The following MACF1 variants were observed in gnomAD, a reference collection of about 807,000 sequenced individuals.
MACF1 encodes the protein microtubule-actin cross-linking factor 1.
A neutral mutation model predicts 854.8 loss-of-function variants in MACF1; 193 were observed. The observed-to-expected ratio is 0.23, with a 90% CI of 0.20 to 0.25. MACF1 has a LOEUF of 0.25. Ranked by LOEUF, MACF1 falls within the 10% of genes least tolerant of loss-of-function variation. The pLI is 1.00. For missense variants in MACF1, 7,722 were observed against 8,929.1 expected, an observed-to-expected ratio of 0.86 and a Z score of 5.45; for synonymous variants, 3,185 against 3,226.7, an observed-to-expected ratio of 0.99 and a Z score of 0.44.
intron 52 of MACF1, chr1:39,372,894 T>A (rs1053585400): frequency 3.3e-6 from 1 of 298,972 alleles, no homozygotes; most frequent in Non-Finnish European, 6.3e-6. Flanking sequence ...AATTTCCCTT[T>A]TTTGAATGTG....
rs16826038 is a variant in MACF1 at position 39,292,962 on chromosome 1, G to A, written c.1992+119G>A. ...CCTGTTTTGGTTTTCTGCTTATTAG[G>A]TTATATCATTTACTATGCACTTATT... On this transcript the variant is annotated intron_variant, in intron 17 of 100. Coordinates refer to ENST00000564288, the MANE Select transcript of MACF1 (RefSeq NM_001394062.1). The A allele has an allele frequency of 0.19, 132,235 of 713,620 alleles. 13,629 individuals carry two copies. The highest frequency in any genetic ancestry group is 0.21 in the Non-Finnish European group (90,118 of 430,218). 44.2% of individuals were successfully genotyped at this position (713,620 alleles called of 1,614,324 possible).
intron 44 of MACF1, among the ~76,000 whole-genome samples, chr1:39,355,395 G>A (rs1021352394): frequency 1.3e-5 from 2 of 151,106 alleles, no homozygotes; most frequent in Admixed American, 6.6e-5. Context: ...TTGTAGTACC[G>A]CTCCCACTTC....
At chr1:39,252,343 C>G (rs138001494) in intron 4 of MACF1, among the ~76,000 whole-genome samples, 1 of 152,286 alleles carries the variant, frequency 6.6e-6, no homozygotes, top group Non-Finnish European at 1.5e-5. Context: ...AACTGGTACT[C>G]TCCACCTCTC....
Position 39,413,910 on chromosome 1 carries a change from C to A in MACF1, c.15817-8464C>A, listed in dbSNP as rs770127698. The A allele has an allele frequency of 3.1e-6, 5 of 1,606,794 alleles. No homozygotes were observed. In the South Asian group the frequency reaches 5.6e-5, roughly 18 times the overall value. On this transcript the variant is annotated intron_variant, in intron 58 of 100. Transcript: ENST00000564288. Reference sequence around the variant, plus strand: ...CTATGGTGGCCACCCTAGAGGAATTCACTTCCCCGGCAGCTTCAGTGCCCA... The same window carrying A: ...CTATGGTGGCCACCCTAGAGGAATTAACTTCCCCGGCAGCTTCAGTGCCCA...
At chr1:39,308,124 T>C (rs1646227970) in intron 23 of MACF1, among the ~76,000 whole-genome samples, 1 of 152,004 alleles carries the variant, frequency 6.6e-6, no homozygotes, top group African/African-American at 2.4e-5. Flanking sequence ...CAGGATGGTC[T>C]CAATCTCTTG....
At chr1:39,381,384 G>A (rs61563113) in intron 55 of MACF1, among the ~76,000 whole-genome samples, 11 of 144,914 alleles carry the variant, frequency 7.6e-5, no homozygotes, top group Admixed American at 4.1e-4. Flanking sequence ...TTTTTGGGGG[G>A]GGGGACAGGG....
chr1:39,199,251 C>T (rs11205757), intron 2 of MACF1, among the ~76,000 whole-genome samples: 1 of 151,948 alleles, frequency 6.6e-6, no homozygotes, highest in Non-Finnish European at 1.5e-5. Flanking sequence ...TCCCAAAGTG[C>T]TGGGATTACA....
At chr1:39,463,711 T>C in intron 94 of MACF1, 25 bp downstream of exon 94, 1 of 1,601,390 alleles carries the variant, frequency 6.2e-7, no homozygotes, top group Non-Finnish European at 8.5e-7. Flanking sequence ...AAGCAGTCCT[T>C]TGTTGTGGTG....
chr1:39,466,072 C>T (rs905292170), intron 95 of MACF1, among the ~76,000 whole-genome samples: 134 of 152,160 alleles, frequency 8.8e-4, no homozygotes, highest in African/African-American at 3.1e-3. Flanking sequence ...ATGTTGAGAA[C>T]GGAATTATGA....
intron 43 of MACF1, 69 bp downstream of exon 43, chr1:39,351,087 C>G: frequency 8.8e-7 from 1 of 1,132,220 alleles, no homozygotes; most frequent in South Asian, 1.5e-5. Context: ...AAATAAAAGA[C>G]AGTGAGGGGA....
chr1:39,340,511 A>C lies in MACF1; in HGVS notation c.10225A>C (p.Arg3409=). 1 of 1,611,726 alleles carries C rather than the reference A, an allele frequency of 6.2e-7. No individual in the cohort carries two copies. Among genetic ancestry groups the C allele is most frequent in the Non-Finnish European group, 8.5e-7 (1 of 1,178,720 alleles). Residue 3409 remains arginine (R), a synonymous_variant, in exon 39 of 101, where the codon AGG becomes CGG. Coordinates refer to ENST00000564288, the MANE Select transcript of MACF1 (RefSeq NM_001394062.1). ...CACTTTATTCCCTCAGGTATTAGAA[A>C]GGGAGTTAAAGGATCTGACCACCTT... is the stretch of plus-strand genomic sequence containing the variant. ...DLLCQAKVLE[R]ELKDLTTLVS...
chr1:39,322,466 G>A, intron 31 of MACF1, 142 bp from the exon 32 acceptor site: 1 of 653,894 alleles, frequency 1.5e-6, no homozygotes. Context: ...TTTTCTGTCT[G>A]GCCTTTTACA....
At chr1:39,420,285 C>G (rs1643483408) in intron 58 of MACF1, among the ~76,000 whole-genome samples, 1 of 152,176 alleles carries the variant, frequency 6.6e-6, no homozygotes, top group South Asian at 2.1e-4. Context: ...CCTTGGCTTT[C>G]TGCCTTCTTT....
In MACF1 at chr1:39,429,837, G is replaced by A. The variant is rs762096403; in HGVS notation, c.16899G>A (p.Val5633=). Residue 5633 remains valine, a synonymous_variant, in exon 65 of 101, where the codon GTG becomes GTA. Transcript: ENST00000564288. ...ALLKQTTGEE[V]LLIQEKLDGI... ...TGCTATCTTCCATAGGTGAGGAGGT[G>A]TTACTTATCCAGGAAAAACTAGATG... 3 of 1,613,858 alleles carry A rather than the reference G, an allele frequency of 1.9e-6. No individual in the cohort carries two copies. Among genetic ancestry groups the A allele is most frequent in the African/African-American group, 2.7e-5 (2 of 74,886 alleles).
At chr1:39,292,660 C>T in intron 16 of MACF1, 106 bp from the exon 17 acceptor site, 1 of 775,644 alleles carries the variant, frequency 1.3e-6, no homozygotes, top group Non-Finnish European at 2.0e-6. Context: ...TTAGAGCAAC[C>T]AATCCATATC....
rs557089110 is a variant in MACF1 at position 39,334,909 on chromosome 1, A to G, written c.8321A>G (p.Glu2774Gly). The change falls in exon 37 of 101, where the codon GAA (glutamate) becomes GGA (glycine). Residue 2774 changes from glutamate (E) to glycine (G), a missense_variant. By Grantham distance (98) the Glu-to-Gly change is moderately conservative. Transcript: ENST00000564288. ...TTCAGCGATCACAGGGCTCAGATTG[A>G]AAAGCAAGAAGGGATTGAAGTGTGT... ...SEFSDHRAQI[E>G]KQEGIEVCAL... The G allele has an allele frequency of 1.2e-6, 2 of 1,614,218 alleles. No individual in the cohort carries two copies. The highest frequency in any genetic ancestry group is 1.3e-5 in the African/African-American group (1 of 75,076).
At chr1:39,418,009 A>G (rs1048896928) in intron 58 of MACF1, among the ~76,000 whole-genome samples, 1 of 152,048 alleles carries the variant, frequency 6.6e-6, no homozygotes, top group African/African-American at 2.4e-5. Context: ...CCACACATAA[A>G]TAAATATAAA....
Position 39,485,531 on chromosome 1 carries a change from A to G in MACF1, c.22412-7A>G. 6.2e-7 allele frequency: 1 copy of G among 1,607,630 alleles called. No homozygotes were observed. Among genetic ancestry groups the G allele is most frequent in the African/African-American group, 1.3e-5 (1 of 74,944 alleles). The stretch of plus-strand genomic sequence containing the variant: ...ATTAAGTCTGCTGTTTTATTCTTGA[A>G]TTCCAGACCCTAAAAAGTCTGCCAG... On this transcript the variant is annotated splice_region_variant and splice_polypyrimidine_tract_variant and intron_variant, in intron 100 of 100. Transcript: ENST00000564288.
chr1:39,443,621 A>G (rs773233627), intron 79 of MACF1, 47 bp downstream of exon 79: 2 of 1,545,026 alleles, frequency 1.3e-6, no homozygotes, highest in South Asian at 1.2e-5. Context: ...CATATTCACT[A>G]GCTCCTTTCC....
Sources: gnomAD v4.1 joint callset for allele counts (sites outside exome capture counted in the v4.1 genomes callset) on GRCh38, gnomAD v4.1.1 for gene constraint, MANE v1.5 for transcripts, NCBI Gene and HGNC (gene_info 2026-07-23, HGNC 2026-07-21) for gene names.